CTDSPL2: variants seen among roughly 807,000 people sequenced by gnomAD.
The protein encoded by CTDSPL2 is CTD small phosphatase-like protein 2.
CTDSPL2 carries 5 observed loss-of-function variants against 60.0 expected under a neutral mutation model. That is an observed-to-expected ratio of 0.08 (90% CI 0.04 to 0.18). The LOEUF is 0.18. Ranked by LOEUF, CTDSPL2 falls within the 10% of genes least tolerant of loss-of-function variation. The pLI is 1.00. For synonymous variants in CTDSPL2, 186 were observed against 189.3 expected (o/e 0.98, Z 0.14); for missense variants, 370 against 548.8 (o/e 0.67, Z 3.26).
intron 3 of CTDSPL2, among the ~76,000 whole-genome samples, chr15:44,484,695 G>A (rs1476848166): frequency 6.6e-6 from 1 of 152,312 alleles, no homozygotes; most frequent in Non-Finnish European, 1.5e-5. Context: ...AGCTGAGATT[G>A]TGCCACTACA....
intron 1 of CTDSPL2, chr15:44,448,488 G>T: frequency 4.0e-6 from 1 of 251,292 alleles, no homozygotes. Flanking sequence ...TCGATTTTGG[G>T]GATGCTGCCT....
intron 3 of CTDSPL2, among the ~76,000 whole-genome samples, chr15:44,485,061 TA>T (rs775085550): frequency 1.2e-4 from 18 of 152,296 alleles, no homozygotes; most frequent in Middle Eastern, 3.4e-3. Context: ...AGGTTTCAAC[TA>T]GGGGTGATTT....
At chr15:44,514,387 CA>C (rs1400660529) in intron 8 of CTDSPL2, among the ~76,000 whole-genome samples, 1 of 152,164 alleles carries the variant, frequency 6.6e-6, no homozygotes, top group Non-Finnish European at 1.5e-5. Flanking sequence ...ACTTGATCAT[CA>C]GTGATTATTA....
Position 44,463,210 on chromosome 15 carries a change from C to T in CTDSPL2, c.186+4010C>T, listed in dbSNP as rs201861479. 1.5e-4 allele frequency among the ~76,000 whole-genome samples: 23 copies of T among 152,254 alleles called. No individual in the cohort carries two copies. In the East Asian group the frequency reaches 4.3e-3, roughly 28 times the overall value. On this transcript the variant is annotated intron_variant, in intron 2 of 12. Coordinates refer to ENST00000260327, the MANE Select transcript of CTDSPL2 (RefSeq NM_016396.3). ...AGGTTGGAATGCAGTGGCACGATGT[C>T]AGCTCACTGCAACCTCCGCCTCTTG...
intron 3 of CTDSPL2, among the ~76,000 whole-genome samples, chr15:44,484,583 A>G (rs976042588): frequency 6.6e-6 from 1 of 152,162 alleles, no homozygotes; most frequent in Non-Finnish European, 1.5e-5. Flanking sequence ...AAAATCACAC[A>G]CAAAAAATTA....
At chr15:44,456,208 T>C (rs1459177928) in intron 1 of CTDSPL2, among the ~76,000 whole-genome samples, 1 of 152,174 alleles carries the variant, frequency 6.6e-6, no homozygotes, top group Non-Finnish European at 1.5e-5. Flanking sequence ...ATTCTCTTTT[T>C]TTGTTGTGTC....
chr15:44,474,221 C>T (rs116619167), intron 2 of CTDSPL2, among the ~76,000 whole-genome samples: 4,595 of 152,124 alleles, frequency 0.03, 249 homozygotes, highest in African/African-American at 0.11. Flanking sequence ...ACGCCTGTAA[C>T]GCCTGTAATC....
chr15:44,479,651 C>G (rs1287681158), intron 2 of CTDSPL2, among the ~76,000 whole-genome samples: 2 of 152,056 alleles, frequency 1.3e-5, no homozygotes, highest in African/African-American at 4.8e-5. Context: ...TCAAGTGAGG[C>G]TCCTGCCTCG....
intron 8 of CTDSPL2, among the ~76,000 whole-genome samples, chr15:44,500,109 A>G (rs1012974132): frequency 2.6e-5 from 4 of 152,232 alleles, no homozygotes; most frequent in African/African-American, 4.8e-5. Context: ...TAGATCCTCA[A>G]GAGGAACTTG....
At chr15:44,442,377 G>C (rs372545665) in intron 1 of CTDSPL2, among the ~76,000 whole-genome samples, 76 of 151,384 alleles carry the variant, frequency 5.0e-4, no homozygotes, top group African/African-American at 1.8e-3. Flanking sequence ...AATCTGGGAG[G>C]CAGAGGTTGC....
rs1404523616 is a variant in CTDSPL2, at chr15:44,527,866, A to G, written c.*3692A>G. On this transcript the variant is annotated 3_prime_UTR_variant, in exon 13 of 13. Transcript: ENST00000260327. ...TTCCTCTCATGAGCTATAATTGAGT[A>G]TAGTATTTTTTTAGTGCTGATGTCA... is the stretch of plus-strand genomic sequence containing the variant. 2.6e-5 allele frequency: 4 copies of G among 152,182 alleles called. No individual in the cohort carries two copies. The highest frequency in any genetic ancestry group is 5.9e-5 in the Non-Finnish European group (4 of 68,006). 9.4% of individuals were successfully genotyped at this position (152,182 alleles called of 1,614,324 possible). A position where few individuals can be genotyped will look rare whatever the true frequency, so the allele number is the denominator to read the frequency against.
intron 5 of CTDSPL2, among the ~76,000 whole-genome samples, chr15:44,495,563 A>AT (rs1420774317): frequency 2.0e-5 from 3 of 151,570 alleles, no homozygotes; most frequent in Non-Finnish European, 4.4e-5. Context: ...AAAAAAAAAA[A>AT]GAGATCATAG....
At chr15:44,459,959 C>A (rs771863550) in intron 2 of CTDSPL2, among the ~76,000 whole-genome samples, 4 of 152,106 alleles carry the variant, frequency 2.6e-5, no homozygotes, top group Non-Finnish European at 5.9e-5. Flanking sequence ...ATATTCTGGA[C>A]CAACTTGAGT....
chr15:44,476,563 T>C (rs1300617501), intron 2 of CTDSPL2, among the ~76,000 whole-genome samples: 2 of 152,210 alleles, frequency 1.3e-5, no homozygotes. Context: ...GACCACCTTA[T>C]GGTCCAATAA....
Position 44,486,666 on chromosome 15 carries a change from T to A in CTDSPL2, c.441T>A (p.Pro147=). The change falls in exon 4 of 13, where the codon CCT becomes CCA. Residue 147 remains proline (P), a synonymous_variant. Coordinates refer to ENST00000260327, the MANE Select transcript of CTDSPL2 (RefSeq NM_016396.3). The part of the protein sequence containing the change: ...RTTLLGTIFS[P]VFNFFSPANK... ...CTTTGTTGGGGACCATATTTTCACC[T>A]GTCTTCAACTTTTTTTCACCAGCAA... 6.3e-7 allele frequency: 1 copy of A among 1,588,640 alleles called. No individual in the cohort carries two copies. The highest frequency in any genetic ancestry group is 8.5e-7 in the Non-Finnish European group (1 of 1,171,618).
At chr15:44,434,845 G>A (rs1221272607) in intron 1 of CTDSPL2, among the ~76,000 whole-genome samples, 1 of 152,072 alleles carries the variant, frequency 6.6e-6, no homozygotes, top group African/African-American at 2.4e-5. Flanking sequence ...ATTATATTTA[G>A]TAGTTTTTAA....
chr15:44,446,611 C>G (rs1345185448), intron 1 of CTDSPL2, among the ~76,000 whole-genome samples: 2 of 149,676 alleles, frequency 1.3e-5, no homozygotes, highest in South Asian at 2.1e-4. Context: ...GCCTGGGTGA[C>G]AGAGCAAGGC....
chr15:44,505,952 A>G (rs1343300739), intron 8 of CTDSPL2, among the ~76,000 whole-genome samples: 1 of 151,936 alleles, frequency 6.6e-6, no homozygotes, highest in African/African-American at 2.4e-5. Context: ...CAAGTTTTTT[A>G]ACATATGCAA....
At chr15:44,469,086 A>G (rs1453156977) in intron 2 of CTDSPL2, among the ~76,000 whole-genome samples, 1 of 152,124 alleles carries the variant, frequency 6.6e-6, no homozygotes, top group Non-Finnish European at 1.5e-5. Context: ...TTTTATTGGT[A>G]ATCTCTTACT....
Sources: allele counts gnomAD v4.1 joint callset (sites outside exome capture counted in the v4.1 genomes callset), GRCh38; gene constraint gnomAD v4.1.1; transcripts MANE v1.5; gene names NCBI Gene and HGNC (gene_info 2026-07-23, HGNC 2026-07-21).